Variants in BCLAF1 observed in about 807,000 individuals in gnomAD.
BCLAF1 encodes bcl-2-associated transcription factor 1.
Under a neutral mutation model 99.5 loss-of-function variants are expected in BCLAF1, and 10 were observed. The ratio of observed to expected loss-of-function variants is 0.10; its 90% CI spans 0.06 to 0.17. The LOEUF is 0.17. Among genes scored for constraint, BCLAF1 ranks in the 10% least tolerant of loss-of-function variants. BCLAF1 has a pLI of 1.00. For synonymous variants in BCLAF1, 255 were observed against 370.9 expected (o/e 0.69, Z 3.59); for missense variants, 636 against 1,105.8 (o/e 0.58, Z 6.02).
At chr6:136,284,130 G>GTATATGTATA (rs1554220652) in intron 1 of BCLAF1, among the ~76,000 whole-genome samples, 1 of 122,120 alleles carries the variant, frequency 8.2e-6, no homozygotes, top group Non-Finnish European at 1.6e-5. Context: ...GTGTGTGTGT[G>GTATATGTATA]TATATATATA....
rs758110879 is a variant in BCLAF1, at chr6:136,276,279, G to A, written c.1246C>T (p.Leu416Phe). Residue 416 changes from leucine (L) to phenylalanine (F), a missense_variant, in exon 5 of 13, where the codon CTC becomes TTC. Coordinates refer to ENST00000531224, the MANE Select transcript of BCLAF1 (RefSeq NM_014739.3). ...GCAAAACTTTTACCCTGATCTGCGA[G>A]GACTGACTTCCTGAACTGTCTATAA... is the stretch of plus-strand genomic sequence containing the variant. ...EDYRQFRKSV[L>F]ADQGKSFATA... 1 of 1,593,144 alleles carries A rather than the reference G, an allele frequency of 6.3e-7. No homozygotes were observed. Among genetic ancestry groups the A allele is most frequent in the South Asian group, 1.1e-5 (1 of 88,176 alleles).
chr6:136,274,313 AAG>A, intron 6 of BCLAF1: 1 of 332,206 alleles, frequency 3.0e-6, no homozygotes, highest in Non-Finnish European at 4.8e-6. Flanking sequence ...AAAAAAAAAA[AAG>A]AAAAAAGAAA....
intron 1 of BCLAF1, among the ~76,000 whole-genome samples, chr6:136,286,583 A>C (rs1210310900): frequency 6.6e-6 from 1 of 152,208 alleles, no homozygotes; most frequent in Non-Finnish European, 1.5e-5. Flanking sequence ...CAAGCTAACC[A>C]CGTTTACTTA....
At chr6:136,285,229 A>T (rs908614615) in intron 1 of BCLAF1, among the ~76,000 whole-genome samples, 1 of 152,230 alleles carries the variant, frequency 6.6e-6, no homozygotes, top group African/African-American at 2.4e-5. Flanking sequence ...AAAAATAAAC[A>T]GCAATGAAAA....
chr6:136,265,241 T>C (rs1386556423), intron 11 of BCLAF1, among the ~76,000 whole-genome samples: 1 of 152,006 alleles, frequency 6.6e-6, no homozygotes, highest in African/African-American at 2.4e-5. Context: ...TGGTGACCTA[T>C]AAAATTAGAG....
In BCLAF1 at chr6:136,270,886, C is replaced by T. The variant is rs562001917; in HGVS notation, c.2043+1109G>A. ...AAAACTAAATTAACAACTTTGAACC[C>T]AAGATATTATTTAAGTTAAAAACCA... On this transcript the variant is annotated intron_variant, in intron 8 of 12. Transcript: ENST00000531224. Among the ~76,000 whole-genome samples the T allele has an allele frequency of 5.5e-4, 83 of 151,616 alleles. 1 individual carries two copies. Among genetic ancestry groups the T allele is most frequent in the African/African-American group, 2.0e-3 (82 of 41,434 alleles).
Position 136,269,621 on chromosome 6 carries a change from G to C in BCLAF1, c.2044-9C>G, listed in dbSNP as rs756230299. On this transcript the variant is annotated splice_polypyrimidine_tract_variant and intron_variant, in intron 8 of 12. Coordinates refer to ENST00000531224, the MANE Select transcript of BCLAF1 (RefSeq NM_014739.3). ...CTTAATTTTTTATCTCCCTATAAAAGACAGATATAAAATACAGATTTCAGG... is the reference window on the plus strand; with the variant it reads ...CTTAATTTTTTATCTCCCTATAAAACACAGATATAAAATACAGATTTCAGG... 1.3e-6 allele frequency: 2 copies of C among 1,571,474 alleles called. No individual in the cohort carries two copies. Among genetic ancestry groups the C allele is most frequent in the Non-Finnish European group, 1.7e-6 (2 of 1,164,774 alleles).
intron 3 of BCLAF1, 42 bp from the exon 4 acceptor site, chr6:136,278,818 T>C (rs1389513853): frequency 6.9e-6 from 10 of 1,446,020 alleles, no homozygotes; most frequent in Non-Finnish European, 9.1e-6. Context: ...AATAAAGTAT[T>C]CCATGCTACC....
In BCLAF1 at chr6:136,269,563, T is replaced by A; in HGVS notation, c.2093A>T (p.Asp698Val). 6.2e-7 allele frequency: 1 copy of A among 1,612,042 alleles called. No homozygotes were observed. The highest frequency in any genetic ancestry group is 8.5e-7 in the Non-Finnish European group (1 of 1,178,894). ...CDSADLRHDI[D>V]RRRKERSKER... Reference sequence around the variant, plus strand: ...TTTACTTCTTTCTTTTCTACGGCGATCAATGTCATGCCGAAGGTCAGCAGA... The same window carrying A: ...TTTACTTCTTTCTTTTCTACGGCGAACAATGTCATGCCGAAGGTCAGCAGA... The change falls in exon 9 of 13, where the codon GAT becomes GTT. Residue 698 changes from aspartate (D) to valine (V), a missense_variant. Physicochemically the swap from Asp to Val is radical, Grantham distance 152. Transcript: ENST00000531224.
In BCLAF1 at chr6:136,276,779, A is replaced by G. The variant is rs180698038; in HGVS notation, c.1017-271T>C. On this transcript the variant is annotated intron_variant, in intron 4 of 12. Coordinates refer to ENST00000531224, the MANE Select transcript of BCLAF1 (RefSeq NM_014739.3). Reference sequence around the variant, plus strand: ...CCTGTCCTATTTAGTCACAATCCACAATTCTGCACTAACACGAACTTCTAG... The same window carrying G: ...CCTGTCCTATTTAGTCACAATCCACGATTCTGCACTAACACGAACTTCTAG... 3.0e-3 allele frequency among the ~76,000 whole-genome samples: 453 copies of G among 152,326 alleles called. 1 individual carries two copies. The highest frequency in any genetic ancestry group is 9.6e-3 in the African/African-American group (401 of 41,574).
chr6:136,279,720 A>G, intron 3 of BCLAF1, 43 bp downstream of exon 3: 1 of 1,473,422 alleles, frequency 6.8e-7, no homozygotes, highest in Non-Finnish European at 9.0e-7. Flanking sequence ...AACAAGTATT[A>G]ACTGATATAA....
At chr6:136,262,578 T>TA (rs1781159076) in intron 11 of BCLAF1, among the ~76,000 whole-genome samples, 1 of 152,190 alleles carries the variant, frequency 6.6e-6, no homozygotes, top group Non-Finnish European at 1.5e-5. Context: ...AAAGAGAACT[T>TA]ACCAACTGCT....
At chr6:136,276,700 A>C (rs1027167910) in intron 4 of BCLAF1, among the ~76,000 whole-genome samples, 192 bp from the exon 5 acceptor site, 2 of 152,202 alleles carry the variant, frequency 1.3e-5, no homozygotes, top group Non-Finnish European at 2.9e-5. Flanking sequence ...CTGACTTTTA[A>C]AATAAATTTA....
At position 136,273,197 on chromosome 6, in the gene BCLAF1, T is replaced by C. The variant is rs755440771; in HGVS notation, c.1853-10A>G. 1 of 1,607,034 alleles carries C rather than the reference T, an allele frequency of 6.2e-7. No homozygotes were observed. On this transcript the variant is annotated splice_polypyrimidine_tract_variant and intron_variant, in intron 6 of 12. Coordinates refer to ENST00000531224, the MANE Select transcript of BCLAF1 (RefSeq NM_014739.3). ...GACTTGAAGTATTGCTCTGTTGATT[T>C]AGAAGAAATACTGTCCGATTAGTTA...
intron 8 of BCLAF1, 128 bp from the exon 9 acceptor site, chr6:136,269,740 A>T (rs1004523054): frequency 3.2e-6 from 2 of 620,978 alleles, no homozygotes; most frequent in Non-Finnish European, 5.0e-6. Context: ...ATAATGAATC[A>T]TATAAGATAC....
In BCLAF1 at chr6:136,271,928, A is replaced by C. The variant is rs564786238; in HGVS notation, c.2043+67T>G. 4 of 1,172,656 alleles carry C rather than the reference A, an allele frequency of 3.4e-6. No homozygotes were observed. In the African/African-American group the frequency reaches 4.7e-5, roughly 14 times the overall value. 72.6% of individuals were successfully genotyped at this position (1,172,656 alleles called of 1,614,324 possible). ...TATAGACATTTTGCCTTGAGAAACT[A>C]TATTTGGTACAATATCATTAACTAA... On this transcript the variant is annotated intron_variant, in intron 8 of 12. Coordinates refer to ENST00000531224, the MANE Select transcript of BCLAF1 (RefSeq NM_014739.3).
rs1240564631 is a variant in BCLAF1 at position 136,258,756 on chromosome 6, A to G, written c.*2354T>C. 6.6e-6 allele frequency: 1 copy of G among 152,528 alleles called. No individual in the cohort carries two copies. The highest frequency in any genetic ancestry group is 1.5e-5 in the Non-Finnish European group (1 of 67,926). The allele number at this position is 152,528 out of a possible 1,614,324, so 9.4% of individuals were successfully genotyped here. A position where few individuals can be genotyped will look rare whatever the true frequency, so the allele number is the denominator to read the frequency against. On this transcript the variant is annotated 3_prime_UTR_variant, in exon 13 of 13. Transcript: ENST00000531224. ...TGATTTTACCTGTGACAAAAGGAAC[A>G]ATAGTAATTCCTTGAAGAAGACTAA...
chr6:136,288,490 C>G (rs1457027330), intron 1 of BCLAF1, among the ~76,000 whole-genome samples: 1 of 152,160 alleles, frequency 6.6e-6, no homozygotes, highest in Non-Finnish European at 1.5e-5. Context: ...CAACTAAAGT[C>G]GAACTGAAAT....
Position 136,268,320 on chromosome 6 carries a change from C to G in BCLAF1, c.2239G>C (p.Asp747His), listed in dbSNP as rs771191424. The G allele has an allele frequency of 4.4e-6, 7 of 1,603,572 alleles. No individual in the cohort carries two copies. The highest frequency in any genetic ancestry group is 6.0e-6 in the Non-Finnish European group (7 of 1,176,304). Residue 747 changes from aspartate to histidine, a missense_variant, in exon 10 of 13, where the codon GAT (aspartate) becomes CAT (histidine). Coordinates refer to ENST00000531224, the MANE Select transcript of BCLAF1 (RefSeq NM_014739.3). ...GAAGAGGATGAAGATCGAGAATGAT[C>G]TTGCTCTCTTTTATGTTTACTGCAA... ...KDDSKHKREQ[D>H]HSRSSSSSAS...
Sources: allele counts gnomAD v4.1 joint callset (sites outside exome capture counted in the v4.1 genomes callset), GRCh38; gene constraint gnomAD v4.1.1; transcripts MANE v1.5; gene names NCBI Gene and HGNC (gene_info 2026-07-23, HGNC 2026-07-21).